The following SCFD2 variants were observed in gnomAD, a reference collection of about 807,000 sequenced individuals.
SCFD2 encodes the protein sec1 family domain-containing protein 2.
Under a neutral mutation model 58.9 loss-of-function variants are expected in SCFD2, and 54 were observed. The ratio of observed to expected loss-of-function variants is 0.92; its 90% CI spans 0.74 to 1.15. The LOEUF (loss-of-function observed/expected upper bound fraction) is 1.15. Among genes scored for constraint, SCFD2 ranks in the 50% most tolerant of loss-of-function variants. SCFD2 has a pLI of 0.00. For missense variants in SCFD2, 805 were observed against 836.6 expected, an observed-to-expected ratio of 0.96 and a Z score of 0.47; for synonymous variants, 321 against 335.9, an observed-to-expected ratio of 0.96 and a Z score of 0.49.
chr4:53,293,147 T>C (rs1731901537), intron 3 of SCFD2, among the ~76,000 whole-genome samples: 1 of 152,150 alleles, frequency 6.6e-6, no homozygotes, highest in Non-Finnish European at 1.5e-5. Flanking sequence ...GATCATGTCT[T>C]TTGCAGGGAC....
chr4:53,136,443 A>T (rs1725945372), intron 5 of SCFD2, among the ~76,000 whole-genome samples: 1 of 152,200 alleles, frequency 6.6e-6, no homozygotes, highest in Non-Finnish European at 1.5e-5. Context: ...CTACCATAAA[A>T]ACCCAGACAT....
chr4:53,069,521 G>A (rs1230860978), intron 5 of SCFD2, among the ~76,000 whole-genome samples: 2 of 151,986 alleles, frequency 1.3e-5, no homozygotes, highest in African/African-American at 2.4e-5. Flanking sequence ...CAGTCATGGG[G>A]TATACAATTT....
chr4:53,083,270 T>C (rs1321528113), intron 5 of SCFD2, among the ~76,000 whole-genome samples: 1 of 152,140 alleles, frequency 6.6e-6, no homozygotes, highest in Non-Finnish European at 1.5e-5. Context: ...AATACTTAAT[T>C]ATAAACAGAA....
Position 52,935,040 on chromosome 4 carries a change from A to T in SCFD2, c.1562-14170T>A, listed in dbSNP as rs573258663. ...GTGTGACAGGGGATCTCAATTTTAA[A>T]TTGTATTTAACTTTACTAAATCTAA... On this transcript the variant is annotated intron_variant, in intron 5 of 8. Transcript: ENST00000401642. Among the ~76,000 whole-genome samples, 13 of 152,344 alleles carry T rather than the reference A, an allele frequency of 8.5e-5. No individual in the cohort carries two copies. In the South Asian group the frequency reaches 2.1e-3, roughly 24 times the overall value.
chr4:53,140,231 A>G lies in SCFD2; in HGVS notation c.1561+5102T>C, dbSNP rs535614073. On this transcript the variant is annotated intron_variant, in intron 5 of 8. Coordinates refer to ENST00000401642, the MANE Select transcript of SCFD2 (RefSeq NM_152540.4). Reference sequence around the variant, plus strand: ...TACTAAAAAAATAAAAAAAAAGAACAAAAAGAAAAAGGGATATCATTTAAA... The same window carrying G: ...TACTAAAAAAATAAAAAAAAAGAACGAAAAGAAAAAGGGATATCATTTAAA... 1.3e-4 allele frequency among the ~76,000 whole-genome samples: 20 copies of G among 151,720 alleles called. No homozygotes were observed. The East Asian group carries it at 3.7e-3, about 28-fold the overall frequency.
chr4:52,935,653 G>A (rs1378910140), intron 5 of SCFD2, among the ~76,000 whole-genome samples: 2 of 152,176 alleles, frequency 1.3e-5, no homozygotes, highest in African/African-American at 4.8e-5. Flanking sequence ...ATACACAGAC[G>A]TGGCTTCTGT....
intron 3 of SCFD2, among the ~76,000 whole-genome samples, chr4:53,279,205 CA>C (rs1393588090): frequency 1.3e-5 from 2 of 152,272 alleles, no homozygotes; most frequent in African/African-American, 4.8e-5. Context: ...AGCCATAAAA[CA>C]AAGGTTATTT....
chr4:53,141,723 TG>T (rs1726172161), intron 5 of SCFD2, among the ~76,000 whole-genome samples: 1 of 151,890 alleles, frequency 6.6e-6, no homozygotes, highest in South Asian at 2.1e-4. Flanking sequence ...TACTGGATGT[TG>T]GTAACATGGC....
intron 3 of SCFD2, among the ~76,000 whole-genome samples, chr4:53,286,774 T>C (rs1219376823): frequency 2.0e-5 from 3 of 152,110 alleles, no homozygotes; most frequent in Admixed American, 6.5e-5. Context: ...CTCTGGGAAG[T>C]TGAGTCATTG....
intron 1 of SCFD2, among the ~76,000 whole-genome samples, chr4:53,363,414 G>C (rs906614591): frequency 6.6e-6 from 1 of 152,010 alleles, no homozygotes; most frequent in African/African-American, 2.4e-5. Context: ...CTCCCAAAGT[G>C]ATGGGATTAC....
intron 5 of SCFD2, among the ~76,000 whole-genome samples, chr4:53,059,967 C>A (rs1723457120): frequency 6.6e-6 from 1 of 152,098 alleles, no homozygotes; most frequent in Admixed American, 6.6e-5. Flanking sequence ...TGATACTCCT[C>A]TCACTCTAAG....
Position 53,235,620 on chromosome 4 carries a change from A to G in SCFD2, c.1311+38206T>C, listed in dbSNP as rs142882289. On this transcript the variant is annotated intron_variant, in intron 4 of 8. Coordinates refer to ENST00000401642, the MANE Select transcript of SCFD2 (RefSeq NM_152540.4). ...GCTATTCAGGGAAGTCCTCCTTGAG[A>G]AGCCCACAATTGAGTTTTGATCTGA... 3.0e-3 allele frequency among the ~76,000 whole-genome samples: 453 copies of G among 152,366 alleles called. 2 individuals are homozygous for G. Among genetic ancestry groups the G allele is most frequent in the African/African-American group, 0.01 (429 of 41,594 alleles).
At chr4:52,893,638 A>G (rs1227322211) in intron 7 of SCFD2, among the ~76,000 whole-genome samples, 1 of 152,174 alleles carries the variant, frequency 6.6e-6, no homozygotes, top group Non-Finnish European at 1.5e-5. Flanking sequence ...GCCACAGTTG[A>G]TTGGTCCTGG....
At chr4:53,242,467 A>AG (rs925006945) in intron 4 of SCFD2, among the ~76,000 whole-genome samples, 1 of 73,384 alleles carries the variant, frequency 1.4e-5, no homozygotes, top group South Asian at 5.3e-4. Context: ...AGGATAAAAG[A>AG]GGAAAAAAAA....
In SCFD2 at chr4:53,212,722, G is replaced by GAA. The variant is rs879777972; in HGVS notation, c.1311+61103_1311+61104insTT. Among the ~76,000 whole-genome samples the GAA allele has an allele frequency of 4.4e-3, 665 of 151,960 alleles. 4 individuals carry two copies. Among genetic ancestry groups the GAA allele is most frequent in the Middle Eastern group, 0.027 (8 of 294 alleles). ...ATATTATGAATAAAATTTTAGAGTA[G>GAA]TTGTTTTTCTATAATTGTTATATGG... On this transcript the variant is annotated intron_variant, in intron 4 of 8. Coordinates refer to ENST00000401642, the MANE Select transcript of SCFD2 (RefSeq NM_152540.4).
At chr4:53,328,743 C>A (rs1733304743) in intron 2 of SCFD2, among the ~76,000 whole-genome samples, 1 of 152,152 alleles carries the variant, frequency 6.6e-6, no homozygotes, top group Admixed American at 6.5e-5. Flanking sequence ...GGGGAGGAGC[C>A]AAGATGGCCG....
intron 5 of SCFD2, among the ~76,000 whole-genome samples, chr4:52,988,415 G>A (rs1257891355): frequency 3.3e-5 from 5 of 152,080 alleles, no homozygotes; most frequent in African/African-American, 9.7e-5. Context: ...CTAATCTTAC[G>A]AACCACATTT....
intron 4 of SCFD2, among the ~76,000 whole-genome samples, chr4:53,213,673 T>A (rs1310568572): frequency 6.6e-6 from 1 of 152,126 alleles, no homozygotes; most frequent in African/African-American, 2.4e-5. Flanking sequence ...TATTTATTTT[T>A]TTATAAAGTT....
chr4:52,991,219 A>C (rs1721606026), intron 5 of SCFD2, among the ~76,000 whole-genome samples: 1 of 152,202 alleles, frequency 6.6e-6, no homozygotes. Context: ...ATTGACATGC[A>C]CTAAATATGA....
Sources: gnomAD v4.1 joint callset for allele counts (sites outside exome capture counted in the v4.1 genomes callset) on GRCh38, gnomAD v4.1.1 for gene constraint, MANE v1.5 for transcripts, NCBI Gene and HGNC (gene_info 2026-07-23, HGNC 2026-07-21) for gene names.